TGFBR1: variants seen among roughly 807,000 people sequenced by gnomAD.
TGFBR1 encodes the protein TGF-beta receptor type-1.
A neutral mutation model predicts 55.1 loss-of-function variants in TGFBR1; 20 were observed. That is an observed-to-expected ratio of 0.36 (90% confidence interval 0.26 to 0.53). The LOEUF (loss-of-function observed/expected upper bound fraction) is 0.53. TGFBR1 is among the 20% of genes least tolerant of loss of function. The pLI, the probability that TGFBR1 is intolerant of heterozygous loss-of-function variation, is 0.91. For synonymous variants in TGFBR1, 220 were observed against 214.8 expected (o/e 1.02, Z -0.21); for missense variants, 385 against 617.6 (o/e 0.62, Z 3.99).
At chr9:99,119,998 A>G (rs1450825250) in intron 1 of TGFBR1, among the ~76,000 whole-genome samples, 1 of 152,230 alleles carries the variant, frequency 6.6e-6, no homozygotes, top group Non-Finnish European at 1.5e-5. Flanking sequence ...ACTTGTTGAA[A>G]AAGTGCATAA....
chr9:99,147,740 CAGAAGT>C lies in TGFBR1; in HGVS notation c.1343_1348del (p.Gln448_Lys449del). ...AGAAATGAGAAAAGTTGTTTGTGAA[CAGAAGT>C]TAAGGCCAAATATCCCAAACAGATG... On this transcript the variant is annotated inframe_deletion, in exon 8 of 9. Coordinates refer to ENST00000374994, the MANE Select transcript of TGFBR1 (RefSeq NM_004612.4). 6.2e-7 allele frequency: 1 copy of C among 1,613,818 alleles called. No homozygotes were observed. Among genetic ancestry groups the C allele is most frequent in the Non-Finnish European group, 8.5e-7 (1 of 1,179,846 alleles).
chr9:99,110,519 CTG>C (rs1486957008), intron 1 of TGFBR1, among the ~76,000 whole-genome samples: 3 of 152,202 alleles, frequency 2.0e-5, no homozygotes, highest in East Asian at 1.9e-4. Context: ...CAGAAGATAA[CTG>C]TAGGTTTTGA....
intron 1 of TGFBR1, among the ~76,000 whole-genome samples, chr9:99,120,974 TGGC>T (rs762422006): frequency 1.3e-5 from 2 of 152,304 alleles, no homozygotes; most frequent in South Asian, 2.1e-4. Flanking sequence ...AACATTATAT[TGGC>T]TAATTCCATA....
chr9:99,116,175 TAAA>T (rs33959088), intron 1 of TGFBR1, among the ~76,000 whole-genome samples: 34 of 141,414 alleles, frequency 2.4e-4, no homozygotes, highest in African/African-American at 8.3e-4. Flanking sequence ...ACTTTATTCT[TAAA>T]AAAAAAAAAA....
chr9:99,147,571 A>G (rs768560157), intron 7 of TGFBR1, 83 bp from the exon 8 acceptor site: 1 of 1,290,130 alleles, frequency 7.8e-7, no homozygotes, highest in Non-Finnish European at 1.1e-6. Flanking sequence ...AAACACTGTA[A>G]TAGGTCTCTC....
At chr9:99,132,245 G>A (rs543074938) in intron 2 of TGFBR1, among the ~76,000 whole-genome samples, 1 of 152,238 alleles carries the variant, frequency 6.6e-6, no homozygotes, top group African/African-American at 2.4e-5. Context: ...TGATATTGGC[G>A]GCAGTTGGCC....
intron 4 of TGFBR1, among the ~76,000 whole-genome samples, chr9:99,140,091 T>C (rs1379636292): frequency 6.6e-6 from 1 of 152,224 alleles, no homozygotes; most frequent in East Asian, 1.9e-4. Flanking sequence ...GACGGGGCAG[T>C]GAGGTATATG....
intron 3 of TGFBR1, among the ~76,000 whole-genome samples, chr9:99,133,404 G>A (rs1004722673): frequency 1.3e-5 from 2 of 152,154 alleles, no homozygotes; most frequent in Non-Finnish European, 2.9e-5. Flanking sequence ...AATTGTCAGA[G>A]TCATCCCAAG....
intron 5 of TGFBR1, among the ~76,000 whole-genome samples, chr9:99,144,148 T>A (rs1827718264): frequency 6.6e-6 from 1 of 152,234 alleles, no homozygotes; most frequent in African/African-American, 2.4e-5. Flanking sequence ...TTATCTTGGG[T>A]ATATACCTAG....
At position 99,149,811 on chromosome 9, in the gene TGFBR1, A is replaced by AG. The variant is rs1827928093; in HGVS notation, c.*506_*507insG. 8.8e-6 allele frequency: 2 copies of AG among 227,756 alleles called. No homozygotes were observed. The highest frequency in any genetic ancestry group is 1.8e-5 in the Non-Finnish European group (2 of 113,902). 14.1% of individuals were successfully genotyped at this position (227,756 alleles called of 1,614,324 possible). On this transcript the variant is annotated 3_prime_UTR_variant, in exon 9 of 9. Coordinates refer to ENST00000374994, the MANE Select transcript of TGFBR1 (RefSeq NM_004612.4). Reference sequence around the variant, plus strand: ...GGATCTTAAAACTAACACTTATAAAACTCTTATCTTGAGTCTAAAAATGAC... The same window carrying AG: ...GGATCTTAAAACTAACACTTATAAAAGCTCTTATCTTGAGTCTAAAAATGAC...
At chr9:99,133,459 G>A (rs987459387) in intron 3 of TGFBR1, among the ~76,000 whole-genome samples, 4 of 152,122 alleles carry the variant, frequency 2.6e-5, no homozygotes, top group African/African-American at 9.7e-5. Flanking sequence ...CTGAAAGGGG[G>A]TTATCTTTTA....
chr9:99,114,414 C>T (rs533856514), intron 1 of TGFBR1, among the ~76,000 whole-genome samples: 1 of 152,278 alleles, frequency 6.6e-6, no homozygotes, highest in African/African-American at 2.4e-5. Flanking sequence ...AGACTGCCAC[C>T]TTCCTTAATA....
chr9:99,128,745 C>A, intron 1 of TGFBR1, 110 bp from the exon 2 acceptor site: 2 of 1,408,564 alleles, frequency 1.4e-6, no homozygotes, highest in Non-Finnish European at 9.9e-7. Flanking sequence ...ACAAACAGTG[C>A]ATAGAAATTG....
chr9:99,106,613 T>G (rs1322869403), intron 1 of TGFBR1, among the ~76,000 whole-genome samples: 1 of 152,198 alleles, frequency 6.6e-6, no homozygotes, highest in Non-Finnish European at 1.5e-5. Context: ...ATGTGCAAAG[T>G]GGGGTACAGA....
chr9:99,114,371 A>G (rs552492417), intron 1 of TGFBR1, among the ~76,000 whole-genome samples: 1 of 152,358 alleles, frequency 6.6e-6, no homozygotes, highest in African/African-American at 2.4e-5. Context: ...GATAATTTGC[A>G]TAGATCTCAT....
intron 1 of TGFBR1, among the ~76,000 whole-genome samples, chr9:99,115,410 C>G (rs1285326857): frequency 1.3e-5 from 2 of 152,166 alleles, no homozygotes; most frequent in South Asian, 2.1e-4. Flanking sequence ...TTATAAGATT[C>G]TTAAATATGC....
intron 1 of TGFBR1, among the ~76,000 whole-genome samples, chr9:99,124,819 T>G (rs1826991250): frequency 6.6e-6 from 1 of 152,110 alleles, no homozygotes; most frequent in African/African-American, 2.4e-5. Context: ...GAAAGAGTAG[T>G]TAAGAAAAAC....
In TGFBR1 at chr9:99,153,995, G is replaced by A. The variant is rs1343945939; in HGVS notation, c.*4690G>A. The A allele has an allele frequency of 4.6e-6, 1 of 217,072 alleles. No homozygotes were observed. The highest frequency in any genetic ancestry group is 9.3e-6 in the Non-Finnish European group (1 of 107,776). 13.4% of individuals were successfully genotyped at this position (217,072 alleles called of 1,614,324 possible). On this transcript the variant is annotated 3_prime_UTR_variant, in exon 9 of 9. Transcript: ENST00000374994. Reference sequence around the variant, plus strand: ...TACAAGAGAACTGGAAAAATGATGAGATGTGGTCCCCAAACCCTTGATTGA... The same window carrying A: ...TACAAGAGAACTGGAAAAATGATGAAATGTGGTCCCCAAACCCTTGATTGA...
chr9:99,114,151 G>A (rs1033116902), intron 1 of TGFBR1, among the ~76,000 whole-genome samples: 8 of 152,042 alleles, frequency 5.3e-5, no homozygotes, highest in African/African-American at 1.9e-4. Context: ...TTTTATTTTG[G>A]TCATTTTCCA....
Sources: gnomAD v4.1 joint callset for allele counts (sites outside exome capture counted in the v4.1 genomes callset) on GRCh38, gnomAD v4.1.1 for gene constraint, MANE v1.5 for transcripts, NCBI Gene and HGNC (gene_info 2026-07-23, HGNC 2026-07-21) for gene names.